The following KLHL20 variants were observed in gnomAD, a reference collection of about 807,000 sequenced individuals.
The protein encoded by KLHL20 is kelch-like protein 20.
KLHL20 carries 29 observed loss-of-function variants against 69.5 expected under a neutral mutation model. The observed-to-expected ratio is 0.42, with a 90% CI of 0.31 to 0.57. KLHL20 has a LOEUF of 0.57. Ranked by LOEUF, KLHL20 falls within the 20% of genes least tolerant of loss-of-function variation. The pLI is 0.18. For missense variants in KLHL20, 419 were observed against 776.0 expected (o/e 0.54, Z 5.47); for synonymous variants, 253 against 265.2 (o/e 0.95, Z 0.45).
chr1:173,720,309 AAAGG>A (rs2102451622), intron 2 of KLHL20, among the ~76,000 whole-genome samples: 2 of 152,070 alleles, frequency 1.3e-5, no homozygotes, highest in South Asian at 4.2e-4. Context: ...GGACACCATA[AAAGG>A]AAGGAACAGC....
chr1:173,747,361 G>A lies in KLHL20; in HGVS notation c.598-4403G>A, dbSNP rs115142673. 1.3e-3 allele frequency among the ~76,000 whole-genome samples: 191 copies of A among 152,006 alleles called. 1 individual carries two copies. The highest frequency in any genetic ancestry group is 3.6e-3 in the African/African-American group (148 of 41,500). ...GCCTTATGCATAATCATAACTTTAT[G>A]TCTTGATGATAAATTGTGACTTTGA... On this transcript the variant is annotated intron_variant, in intron 3 of 11. Transcript: ENST00000209884.
At chr1:173,736,837 C>T (rs1232934539) in intron 3 of KLHL20, among the ~76,000 whole-genome samples, 2 of 152,214 alleles carry the variant, frequency 1.3e-5, no homozygotes, top group East Asian at 3.8e-4. Context: ...CTCAGGTGAT[C>T]TGCCCGCCTT....
chr1:173,732,825 G>A (rs1672348389), intron 2 of KLHL20, among the ~76,000 whole-genome samples: 1 of 152,050 alleles, frequency 6.6e-6, no homozygotes, highest in African/African-American at 2.4e-5. Context: ...AACATATGTA[G>A]TACTTTTAAA....
chr1:173,743,658 CT>C (rs1330163706), intron 3 of KLHL20, among the ~76,000 whole-genome samples: 2 of 151,884 alleles, frequency 1.3e-5, no homozygotes, highest in Non-Finnish European at 2.9e-5. Flanking sequence ...GATTAGTGTC[CT>C]TTGTTGCTAT....
rs60710323 is a variant in KLHL20, at chr1:173,728,438, A to G, written c.24-5275A>G. ...TCTCCACCCCAAATCAACAGAATGTACATTCTTTTCAGCACCACACCACAC... is the reference window on the plus strand; with the variant it reads ...TCTCCACCCCAAATCAACAGAATGTGCATTCTTTTCAGCACCACACCACAC... On this transcript the variant is annotated intron_variant, in intron 2 of 11. Coordinates refer to ENST00000209884, the MANE Select transcript of KLHL20 (RefSeq NM_014458.4). Among the ~76,000 whole-genome samples, 14 of 152,358 alleles carry G rather than the reference A, an allele frequency of 9.2e-5. No individual in the cohort carries two copies. In the East Asian group the frequency reaches 2.5e-3, roughly 27 times the overall value.
At chr1:173,731,381 G>T (rs543041193) in intron 2 of KLHL20, among the ~76,000 whole-genome samples, 1 of 152,106 alleles carries the variant, frequency 6.6e-6, no homozygotes, top group Non-Finnish European at 1.5e-5. Flanking sequence ...ATACCCAAAG[G>T]ATTATAAATC....
intron 3 of KLHL20, among the ~76,000 whole-genome samples, chr1:173,743,058 CAG>C (rs988430197): frequency 7.6e-6 from 1 of 131,268 alleles, no homozygotes; most frequent in African/African-American, 2.7e-5. Flanking sequence ...CAAATTTAAT[CAG>C]AAAAAAAAAC....
chr1:173,720,212 A>T (rs1018878056), intron 2 of KLHL20, among the ~76,000 whole-genome samples: 1 of 152,204 alleles, frequency 6.6e-6, no homozygotes, highest in South Asian at 2.1e-4. Context: ...CTCTGTGGAG[A>T]TGAGGAAGCA....
chr1:173,715,960 C>A, intron 1 of KLHL20, 43 bp from the exon 2 acceptor site: 1 of 1,362,572 alleles, frequency 7.3e-7, no homozygotes, highest in Non-Finnish European at 1.0e-6. Flanking sequence ...CTGTAAAGAT[C>A]AGAAATAGCT....
At chr1:173,783,094 G>A (rs968841188) in intron 11 of KLHL20, among the ~76,000 whole-genome samples, 1 of 152,144 alleles carries the variant, frequency 6.6e-6, no homozygotes, top group Non-Finnish European at 1.5e-5. Context: ...AATACTATGG[G>A]TTTGATGTAT....
intron 3 of KLHL20, among the ~76,000 whole-genome samples, chr1:173,740,955 G>T (rs1672783777): frequency 6.6e-6 from 1 of 152,204 alleles, no homozygotes; most frequent in African/African-American, 2.4e-5. Context: ...GATAAAGTCA[G>T]AAATGGCTTC....
intron 8 of KLHL20, among the ~76,000 whole-genome samples, chr1:173,768,685 G>A (rs2102524254): frequency 6.6e-6 from 1 of 152,300 alleles, no homozygotes; most frequent in Admixed American, 6.5e-5. Flanking sequence ...ACACAACAAT[G>A]TGAATATACT....
intron 3 of KLHL20, among the ~76,000 whole-genome samples, chr1:173,740,982 G>A (rs1672785547): frequency 6.6e-6 from 1 of 152,200 alleles, no homozygotes; most frequent in Non-Finnish European, 1.5e-5. Context: ...GACCAGGACT[G>A]CCTACAGGGC....
At chr1:173,783,523 G>C (rs191834168) in intron 11 of KLHL20, among the ~76,000 whole-genome samples, 4 of 152,222 alleles carry the variant, frequency 2.6e-5, no homozygotes, top group East Asian at 1.9e-4. Context: ...TAATAACAGC[G>C]TGTACGTTTT....
intron 3 of KLHL20, among the ~76,000 whole-genome samples, chr1:173,751,444 T>C (rs1397632245): frequency 6.6e-6 from 1 of 152,236 alleles, no homozygotes; most frequent in Non-Finnish European, 1.5e-5. Context: ...TTCTGACTTT[T>C]TATATGCCTT....
chr1:173,778,233 C>G (rs1392481649), intron 10 of KLHL20, among the ~76,000 whole-genome samples: 1 of 151,990 alleles, frequency 6.6e-6, no homozygotes, highest in African/African-American at 2.4e-5. Flanking sequence ...CCCCCCACCC[C>G]CCGACAGGCC....
intron 5 of KLHL20, among the ~76,000 whole-genome samples, chr1:173,754,223 A>G (rs1673435346): frequency 1.3e-5 from 2 of 152,108 alleles, no homozygotes; most frequent in Non-Finnish European, 2.9e-5. Context: ...TATCTTTTTT[A>G]TATTAATCAT....
intron 8 of KLHL20, among the ~76,000 whole-genome samples, chr1:173,772,250 G>A (rs1179942170): frequency 2.0e-5 from 3 of 152,160 alleles, no homozygotes; most frequent in Non-Finnish European, 4.4e-5. Context: ...GTGCAGATGA[G>A]TCTGTACCCT....
rs756024999 is a variant in KLHL20 at position 173,733,915 on chromosome 1, G to T, written c.226G>T (p.Ala76Ser). ...ELCDVVLVVGAKKIYAHRVIL... is the reference protein window; with the variant it reads ...ELCDVVLVVGSKKIYAHRVIL... ...ATGTGATGTGGTGCTAGTTGTGGGC[G>T]CCAAGAAGATATATGCCCATCGAGT... The change falls in exon 3 of 12, where the codon GCC becomes TCC. Residue 76 changes from alanine (A) to serine (S), a missense_variant. Coordinates refer to ENST00000209884, the MANE Select transcript of KLHL20 (RefSeq NM_014458.4). The T allele has an allele frequency of 6.2e-7, 1 of 1,614,156 alleles. No individual in the cohort carries two copies. The highest frequency in any genetic ancestry group is 1.1e-5 in the South Asian group (1 of 91,084).
Sources: allele counts gnomAD v4.1 joint callset (sites outside exome capture counted in the v4.1 genomes callset), GRCh38; gene constraint gnomAD v4.1.1; transcripts MANE v1.5; gene names NCBI Gene and HGNC (gene_info 2026-07-23, HGNC 2026-07-21).